The following ZNF469 variants were observed in gnomAD, a reference collection of about 807,000 sequenced individuals.
ZNF469 encodes the protein zinc finger protein 469.
In ZNF469, 1 loss-of-function variant was observed where a neutral mutation model predicts 1.0. The ratio of observed to expected loss-of-function variants is 1.00; its 90% CI spans 0.35 to 4.73. The LOEUF is 4.73. Among genes scored for constraint, ZNF469 ranks in the 30% most tolerant of loss-of-function variants. The probability of loss-of-function intolerance (pLI) is 0.16; values close to 1 mark genes in which losing one functional copy is unlikely to be tolerated. For missense variants in ZNF469, 6,100 were observed against 5,356.3 expected (o/e 1.14, Z -4.33); for synonymous variants, 2,703 against 2,363.4 (o/e 1.14, Z -4.17).
Position 88,439,262 on chromosome 16 carries a change from T to A in ZNF469, c.11792T>A (p.Leu3931His). The A allele has an allele frequency of 1.3e-6, 2 of 1,550,486 alleles. No homozygotes were observed. Among genetic ancestry groups the A allele is most frequent in the South Asian group, 2.4e-5 (2 of 84,060 alleles). ...THRTAEAQSD[L>H]LSQLFGQRLT... is the part of the protein sequence containing the mutation. ...CGGACGGCCGAGGCCCAGAGTGACC[T>A]CCTCAGCCAGCTCTTCGGGCAGAGA... The change falls in exon 3 of 3, where the codon CTC (leucine) becomes CAC (histidine). Residue 3931 changes from leucine to histidine, a missense_variant. Transcript: ENST00000565624.
chr16:88,124,880 G>C, the ZNF469 span, among the ~76,000 whole-genome samples: 1 of 152,178 alleles, frequency 6.6e-6, no homozygotes, highest in Non-Finnish European at 1.5e-5. Flanking sequence ...CACTGCGCCC[G>C]GCCAAGAATA....
intron 1 of ZNF469, among the ~76,000 whole-genome samples, chr16:88,416,906 G>A (rs1175725820): frequency 2.0e-5 from 3 of 152,166 alleles, no homozygotes; most frequent in Non-Finnish European, 4.4e-5. Flanking sequence ...CTGTCCTGCG[G>A]TCGGCGTCTA....
Position 88,435,467 on chromosome 16 carries a change from C to A in ZNF469, c.7997C>A (p.Pro2666His), listed in dbSNP as rs1421766106. 9 of 1,549,648 alleles carry A rather than the reference C, an allele frequency of 5.8e-6. No homozygotes were observed. The highest frequency in any genetic ancestry group is 5.2e-6 in the Non-Finnish European group (6 of 1,146,990). Residue 2666 changes from proline to histidine, a missense_variant, in exon 3 of 3, where the codon CCT (proline) becomes CAT (histidine). Transcript: ENST00000565624. ...ISDGRGSRPS[P>H]AMASYAASPS... is the part of the protein sequence containing the mutation. ...GATGGGCGCGGCTCCAGACCATCCCCTGCAATGGCCAGTTACGCAGCCTCT... is the reference window on the plus strand; with the variant it reads ...GATGGGCGCGGCTCCAGACCATCCCATGCAATGGCCAGTTACGCAGCCTCT...
intron 1 of ZNF469, among the ~76,000 whole-genome samples, chr16:88,411,721 A>AG (rs1905173865): frequency 1.3e-5 from 2 of 152,156 alleles, no homozygotes; most frequent in Admixed American, 6.5e-5. Context: ...CAAGTGCTGC[A>AG]GGGCCTGGGG....
At chr16:88,155,181 A>G in the ZNF469 span, among the ~76,000 whole-genome samples, 1 of 152,192 alleles carries the variant, frequency 6.6e-6, no homozygotes, top group African/African-American at 2.4e-5. Context: ...GCAAGTCCAG[A>G]GTGGGCCATG....
the ZNF469 span, among the ~76,000 whole-genome samples, chr16:88,215,383 ATTT>A: frequency 3.2e-5 from 3 of 94,166 alleles, no homozygotes; most frequent in African/African-American, 1.3e-4. Context: ...TTGCCTTTTA[ATTT>A]TTTTTTTTTT....
the ZNF469 span, among the ~76,000 whole-genome samples, chr16:88,323,622 G>C: frequency 1.3e-5 from 2 of 152,150 alleles, no homozygotes; most frequent in Non-Finnish European, 2.9e-5. Context: ...TCTTGGCAAA[G>C]CCAGGATCTC....
At chr16:88,422,318 G>A (rs1318560726) in intron 1 of ZNF469, among the ~76,000 whole-genome samples, 6 of 140,502 alleles carry the variant, frequency 4.3e-5, no homozygotes, top group East Asian at 2.3e-4. Context: ...GGATAGATGG[G>A]TGAGTGATGG....
At chr16:88,380,527 TAA>T (rs1206154083), upstream of ZNF469, among the ~76,000 whole-genome samples, 38 of 66,704 alleles carry the variant, frequency 5.7e-4, no homozygotes, top group South Asian at 4.4e-3. Context: ...ACACACGCAC[TAA>T]CACACACGCA....
the ZNF469 span, among the ~76,000 whole-genome samples, chr16:88,117,321 GCT>G: frequency 6.6e-6 from 1 of 152,132 alleles, no homozygotes; most frequent in African/African-American, 2.4e-5. Flanking sequence ...GATGCGTGTG[GCT>G]CTCTCTGCCT....
chr16:88,289,408 A>G, the ZNF469 span, among the ~76,000 whole-genome samples: 2 of 149,110 alleles, frequency 1.3e-5, no homozygotes, highest in Non-Finnish European at 3.0e-5. Flanking sequence ...GATGGTGATG[A>G]TGATGATGAT....
At position 88,429,897 on chromosome 16, in the gene ZNF469, C is replaced by T. The variant is rs979740520; in HGVS notation, c.2427C>T (p.Asp809=). The change falls in exon 3 of 3, where the codon GAC becomes GAT. Residue 809 remains aspartate (D), a synonymous_variant. Coordinates refer to ENST00000565624, the MANE Select transcript of ZNF469 (RefSeq NM_001367624.2). ...GGGACGCCCAGGCCGAGGGCAAAGACGACCCCCTGAGGACAGGCTTCCTGC... is the reference window on the plus strand; with the variant it reads ...GGGACGCCCAGGCCGAGGGCAAAGATGACCCCCTGAGGACAGGCTTCCTGC... ...LAGDAQAEGK[D]DPLRTGFLPS... 2 of 1,550,180 alleles carry T rather than the reference C, an allele frequency of 1.3e-6. No individual in the cohort carries two copies. Among genetic ancestry groups the T allele is most frequent in the South Asian group, 1.2e-5 (1 of 84,056 alleles).
At chr16:88,247,996 G>C in the ZNF469 span, among the ~76,000 whole-genome samples, 2 of 152,190 alleles carry the variant, frequency 1.3e-5, no homozygotes, top group East Asian at 3.9e-4. Flanking sequence ...CTGGACGGAA[G>C]GCTATCAGAG....
chr16:88,419,348 C>T (rs774726358), intron 1 of ZNF469, among the ~76,000 whole-genome samples: 8 of 152,180 alleles, frequency 5.3e-5, no homozygotes, highest in Non-Finnish European at 1.0e-4. Flanking sequence ...GAGGACGGGC[C>T]GGTGCCTCCC....
chr16:88,373,814 T>C, the ZNF469 span, among the ~76,000 whole-genome samples: 1 of 152,066 alleles, frequency 6.6e-6, no homozygotes, highest in Non-Finnish European at 1.5e-5. Context: ...CTGACCAACA[T>C]GGCAAACCTC....
At chr16:88,384,434 G>A (rs1403576686) in intron 1 of ZNF469, among the ~76,000 whole-genome samples, 1 of 152,202 alleles carries the variant, frequency 6.6e-6, no homozygotes, top group Non-Finnish European at 1.5e-5. Context: ...ACAGCGTCGG[G>A]CGTGAGGGCT....
At chr16:88,112,529 G>A in the ZNF469 span, among the ~76,000 whole-genome samples, 209 of 152,242 alleles carry the variant, frequency 1.4e-3, no homozygotes, top group African/African-American at 4.8e-3. Flanking sequence ...TTTCTCTGAC[G>A]ATCAATGATG....
At chr16:88,276,087 C>A in the ZNF469 span, among the ~76,000 whole-genome samples, 2 of 152,180 alleles carry the variant, frequency 1.3e-5, no homozygotes, top group Non-Finnish European at 2.9e-5. Flanking sequence ...AGTGGACACC[C>A]CCTCTGGGGC....
chr16:88,109,784 C>T, the ZNF469 span, among the ~76,000 whole-genome samples: 2 of 151,736 alleles, frequency 1.3e-5, no homozygotes, highest in African/African-American at 2.4e-5. Context: ...AGGTGCTGTG[C>T]GTCTGTGTCC....
Sources: gnomAD v4.1 joint callset for allele counts (sites outside exome capture counted in the v4.1 genomes callset) on GRCh38, gnomAD v4.1.1 for gene constraint, MANE v1.5 for transcripts, NCBI Gene and HGNC (gene_info 2026-07-23, HGNC 2026-07-21) for gene names.